IL16: variants seen among roughly 807,000 people sequenced by gnomAD.
The protein encoded by IL16 is interleukin 16.
Under a neutral mutation model 110.1 loss-of-function variants are expected in IL16, and 67 were observed. The observed-to-expected ratio is 0.61, with a 90% CI of 0.50 to 0.75. IL16 has a LOEUF of 0.75. IL16 is among the 30% of genes least tolerant of loss of function. IL16 has a pLI of 0.00. For missense variants in IL16, 1,545 were observed against 1,655.0 expected (o/e 0.93, Z 1.15); for synonymous variants, 689 against 662.9 (o/e 1.04, Z -0.61).
chr15:81,196,722 C>T (rs4448892), upstream of IL16, among the ~76,000 whole-genome samples: 45,499 of 152,036 alleles, frequency 0.3, 9,925 homozygotes, highest in East Asian at 0.65. Context: ...GGGTTTGCCT[C>T]CTGGGTGTTG....
At chr15:81,242,838 G>A (rs1296898036) in intron 2 of IL16, among the ~76,000 whole-genome samples, 2 of 151,782 alleles carry the variant, frequency 1.3e-5, no homozygotes, top group Admixed American at 6.6e-5. Context: ...TATGGTTTTA[G>A]CCACAGGTTT....
At chr15:81,265,598 G>A in intron 3 of IL16, 61 bp from the exon 4 acceptor site, 1 of 1,587,274 alleles carries the variant, frequency 6.3e-7, no homozygotes, top group Non-Finnish European at 8.6e-7. Flanking sequence ...ATTGTTCTTA[G>A]TTGAACTTTG....
chr15:81,304,452 C>A (rs3858949), intron 16 of IL16, among the ~76,000 whole-genome samples: 1 of 152,204 alleles, frequency 6.6e-6, no homozygotes. Context: ...CAACAGGAAA[C>A]TAGGAGGAAG....
intron 9 of IL16, among the ~76,000 whole-genome samples, chr15:81,283,338 C>T (rs997007929): frequency 6.8e-6 from 1 of 147,714 alleles, no homozygotes; most frequent in Non-Finnish European, 1.5e-5. Flanking sequence ...TAAAGCCCCA[C>T]AGGTGCCTCA....
intron 8 of IL16, among the ~76,000 whole-genome samples, chr15:81,280,246 G>C (rs1469904416): frequency 2.0e-5 from 3 of 152,186 alleles, no homozygotes; most frequent in Non-Finnish European, 2.9e-5. Context: ...CTCTCTGCCT[G>C]AATGCAACCG....
At position 81,225,679 on chromosome 15, in the gene IL16, G is replaced by A. The variant is rs748423156; in HGVS notation, c.280G>A (p.Gly94Ser). ...AQLQAAGNDR[G>S]KTCRRIFFMK... ...ACTCCAAGCAGCTGGGAATGATCGAGGCAAGACCTGTAGGAGGATATTCTT... is the reference window on the plus strand; with the variant it reads ...ACTCCAAGCAGCTGGGAATGATCGAAGCAAGACCTGTAGGAGGATATTCTT... Residue 94 changes from glycine (G) to serine (S), a missense_variant, in exon 2 of 19, where the codon GGC (glycine) becomes AGC (serine). Physicochemically the swap from Gly to Ser is moderately conservative, Grantham distance 56 (BLOSUM62 0). This residue lies in a region of IL16 where 1,185 missense variants were observed against 1,238.8 expected (regional missense o/e 0.96). Transcript: ENST00000683961. 5 of 1,613,310 alleles carry A rather than the reference G, an allele frequency of 3.1e-6. No homozygotes were observed. In the African/African-American group the frequency reaches 6.7e-5, roughly 22 times the overall value.
intron 1 of IL16, among the ~76,000 whole-genome samples, chr15:81,219,801 A>G (rs1330070266): frequency 6.6e-6 from 1 of 152,162 alleles, no homozygotes; most frequent in Non-Finnish European, 1.5e-5. Flanking sequence ...AGAACACTTC[A>G]CATGATGTTG....
rs374086303 is a variant in IL16 at position 81,296,933 on chromosome 15, G to A, written c.1908G>A (p.Ala636=). 1.1e-5 allele frequency: 18 copies of A among 1,609,692 alleles called. No homozygotes were observed. The African/African-American group carries it at 1.5e-4, about 13-fold the overall frequency. Residue 636 remains alanine (A), a synonymous_variant, in exon 13 of 19, where the codon GCG becomes GCA. Coordinates refer to ENST00000683961, the MANE Select transcript of IL16 (RefSeq NM_172217.5). ...GCTTCCTGTTTACACCACAGGAAGC[G>A]AGAGAGCTGCTGCCACTGCTGCTAC... is the stretch of plus-strand genomic sequence containing the variant. ...GHTPPTCGQE[A]RELLPLLLPQ...
chr15:81,295,305 A>T, intron 12 of IL16: 31 of 1,086,498 alleles, frequency 2.9e-5, no homozygotes, highest in Non-Finnish European at 3.4e-5. Context: ...TAAGAGAAAA[A>T]TTTGTGTAAA....
chr15:81,297,002 C>T lies in IL16; in HGVS notation c.1977C>T (p.Gly659=). Residue 659 remains glycine (G), a synonymous_variant, in exon 13 of 19, where the codon GGC becomes GGT. Transcript: ENST00000683961. ...TAGRSPSASA[G]CPGPGIGPQT... The stretch of plus-strand genomic sequence containing the variant: ...GGAGAAGCCCTAGTGCCTCTGCCGG[C>T]TGCCCAGGACCTGGTATCGGCCCAC... 2 of 1,613,976 alleles carry T rather than the reference C, an allele frequency of 1.2e-6. No individual in the cohort carries two copies. The highest frequency in any genetic ancestry group is 1.1e-5 in the South Asian group (1 of 91,072).
chr15:81,292,433 C>T (rs1191871133), intron 11 of IL16, 123 bp from the exon 12 acceptor site: 20 of 1,402,928 alleles, frequency 1.4e-5, no homozygotes, highest in Non-Finnish European at 2.0e-5. Flanking sequence ...TCCACAGTGA[C>T]TTCAGATAAG....
chr15:81,273,972 C>A (rs572740920), intron 6 of IL16, among the ~76,000 whole-genome samples: 2 of 145,366 alleles, frequency 1.4e-5, no homozygotes, highest in East Asian at 4.1e-4. Context: ...TATTGAGCAA[C>A]AGGTTTGGCC....
intron 18 of IL16, chr15:81,306,761 T>A: frequency 1.6e-6 from 1 of 607,600 alleles, no homozygotes; most frequent in Non-Finnish European, 3.0e-6. Flanking sequence ...TTGATGGGTC[T>A]TCAAAAATAC....
At chr15:81,272,991 T>G (rs1197843206) in intron 5 of IL16, 99 bp from the exon 6 acceptor site, 3 of 840,174 alleles carry the variant, frequency 3.6e-6, no homozygotes, top group Non-Finnish European at 6.0e-6. Flanking sequence ...TCCTTCCCAA[T>G]CCCTTTGTTC....
intron 2 of IL16, among the ~76,000 whole-genome samples, chr15:81,229,154 G>C (rs1896889187): frequency 6.6e-6 from 1 of 152,186 alleles, no homozygotes; most frequent in African/African-American, 2.4e-5. Context: ...AAGAGTTATA[G>C]TTGACAATGC....
chr15:81,291,871 T>C (rs969675393), intron 11 of IL16: 5 of 455,604 alleles, frequency 1.1e-5, no homozygotes, highest in Non-Finnish European at 1.8e-5. Flanking sequence ...GTCTTTGTTA[T>C]TGAGCCTCAA....
At position 81,225,472 on chromosome 15, in the gene IL16, C is replaced by T; in HGVS notation, c.73C>T (p.Leu25Phe). ...TCGGTCCATCTCCAGGTCCCTGATG[C>T]TCTGTAATGCTAAGACCAGTGATGA... ...KFRSISRSLM[L>F]CNAKTSDDGS... The change falls in exon 2 of 19, where the codon CTC becomes TTC. Residue 25 changes from leucine to phenylalanine, a missense_variant. By Grantham distance (22) the Leu-to-Phe change is conservative. Transcript: ENST00000683961. 1 of 1,614,116 alleles carries T rather than the reference C, an allele frequency of 6.2e-7. No homozygotes were observed. The highest frequency in any genetic ancestry group is 8.5e-7 in the Non-Finnish European group (1 of 1,179,998).
intron 1 of IL16, among the ~76,000 whole-genome samples, chr15:81,214,551 A>T (rs1364015240): frequency 2.7e-5 from 4 of 149,140 alleles, no homozygotes; most frequent in Non-Finnish European, 6.0e-5. Context: ...TGCCTTTAAG[A>T]TTTTTTTTTT....
At chr15:81,243,135 C>A (rs1897392672) in intron 2 of IL16, among the ~76,000 whole-genome samples, 1 of 85,524 alleles carries the variant, frequency 1.2e-5, no homozygotes, top group African/African-American at 4.4e-5. Context: ...TATATATTAG[C>A]TATATAAGTA....
Sources: gnomAD v4.1 joint callset for allele counts (sites outside exome capture counted in the v4.1 genomes callset) on GRCh38, gnomAD v4.1.1 for gene constraint, gnomAD v4.1.1 regional missense constraint, MANE v1.5 for transcripts, NCBI Gene and HGNC (gene_info 2026-07-23, HGNC 2026-07-21) for gene names.